Variants in PDE7B observed in about 807,000 individuals in gnomAD.
The protein encoded by PDE7B is 3',5'-cyclic-AMP phosphodiesterase 7B.
In PDE7B, 29 loss-of-function variants were observed where a neutral mutation model predicts 56.2. The ratio of observed to expected loss-of-function variants is 0.52; its 90% CI spans 0.38 to 0.70. The LOEUF (loss-of-function observed/expected upper bound fraction) is 0.70, where lower values mean the gene tolerates loss of function less well. Ranked by LOEUF, PDE7B falls within the 30% of genes least tolerant of loss-of-function variation. PDE7B has a pLI of 0.00. For synonymous variants in PDE7B, 197 were observed against 196.9 expected (o/e 1.00, Z 0.00); for missense variants, 490 against 565.0 (o/e 0.87, Z 1.35).
intron 2 of PDE7B, among the ~76,000 whole-genome samples, chr6:135,964,030 T>C (rs1774950365): frequency 6.6e-6 from 1 of 152,114 alleles, no homozygotes; most frequent in African/African-American, 2.4e-5. Flanking sequence ...ATCTAGTTCA[T>C]TGTTCTCTCA....
intron 11 of PDE7B, among the ~76,000 whole-genome samples, chr6:136,183,032 A>G (rs1779090849): frequency 6.8e-6 from 1 of 148,126 alleles, no homozygotes; most frequent in Admixed American, 6.8e-5. Flanking sequence ...AGATGGTGCC[A>G]CTACACTCCA....
chr6:136,133,148 T>C (rs1778147338), intron 3 of PDE7B, among the ~76,000 whole-genome samples: 1 of 151,786 alleles, frequency 6.6e-6, no homozygotes, highest in African/African-American at 2.4e-5. Flanking sequence ...TTCTAAAGCA[T>C]AAAGCATAAA....
At position 136,179,055 on chromosome 6, in the gene PDE7B, A is replaced by G; in HGVS notation, c.862A>G (p.Asn288Asp). 1 of 1,614,148 alleles carries G rather than the reference A, an allele frequency of 6.2e-7. No individual in the cohort carries two copies. The highest frequency in any genetic ancestry group is 1.1e-5 in the South Asian group (1 of 91,084). The change falls in exon 10 of 13, where the codon AAT (asparagine) becomes GAT (aspartate). Residue 288 changes from asparagine (N) to aspartate (D), a missense_variant. Coordinates refer to ENST00000308191, the MANE Select transcript of PDE7B (RefSeq NM_018945.4). ...CTTGGCAACAGACATCAACAGGCAG[A>G]ATGAATTTTTGACCAGATTGAAAGC... ...LILATDINRQ[N>D]EFLTRLKAHL...
intron 5 of PDE7B, among the ~76,000 whole-genome samples, chr6:136,150,282 A>G (rs1778487673): frequency 6.6e-6 from 1 of 152,264 alleles, no homozygotes; most frequent in African/African-American, 2.4e-5. Flanking sequence ...AATAAATTGT[A>G]TTTCCACCTA....
intron 2 of PDE7B, among the ~76,000 whole-genome samples, chr6:136,052,810 C>T (rs1042160316): frequency 6.6e-6 from 1 of 152,132 alleles, no homozygotes. Flanking sequence ...TGGTAAGGTG[C>T]TCTAACTAAC....
intron 3 of PDE7B, among the ~76,000 whole-genome samples, chr6:136,139,865 TA>T (rs1778287860): frequency 1.3e-5 from 2 of 152,234 alleles, no homozygotes; most frequent in Admixed American, 6.5e-5. Context: ...AGATTCTGGA[TA>T]TTAGCCCTTT....
At chr6:136,020,452 A>G (rs1776052539) in intron 2 of PDE7B, among the ~76,000 whole-genome samples, 1 of 152,210 alleles carries the variant, frequency 6.6e-6, no homozygotes, top group Admixed American at 6.5e-5. Flanking sequence ...ATACATTGAA[A>G]TATGCATGAT....
Position 136,191,624 on chromosome 6 carries a change from C to G in PDE7B, c.1137C>G (p.Ser379Arg). 1 of 1,613,888 alleles carries G rather than the reference C, an allele frequency of 6.2e-7. No individual in the cohort carries two copies. The highest frequency in any genetic ancestry group is 1.1e-5 in the South Asian group (1 of 91,022). ...SIPSIQIGFM[S>R]YIVEPLFREW... ...ACTTGCCTGTTCTAGGTTTCATGAG[C>G]TACATCGTGGAGCCGCTCTTCCGGG... The change falls in exon 13 of 13, where the codon AGC becomes AGG. Residue 379 changes from serine (S) to arginine (R), a missense_variant. Transcript: ENST00000308191.
intron 2 of PDE7B, among the ~76,000 whole-genome samples, chr6:136,063,492 A>T (rs1192013421): frequency 6.6e-6 from 1 of 152,160 alleles, no homozygotes; most frequent in Non-Finnish European, 1.5e-5. Flanking sequence ...TTGCACCTAG[A>T]CTACTGCAGT....
chr6:136,083,184 G>A (rs1462013448), intron 2 of PDE7B, among the ~76,000 whole-genome samples: 1 of 152,180 alleles, frequency 6.6e-6, no homozygotes, highest in Non-Finnish European at 1.5e-5. Flanking sequence ...ACTGAGAGAG[G>A]GTCTGTGAGA....
At chr6:136,064,181 C>A (rs933912513) in intron 2 of PDE7B, among the ~76,000 whole-genome samples, 2 of 152,090 alleles carry the variant, frequency 1.3e-5, no homozygotes, top group African/African-American at 2.4e-5. Flanking sequence ...TTTAAAATTT[C>A]TCTGAGAGTG....
intron 1 of PDE7B, among the ~76,000 whole-genome samples, chr6:135,864,141 A>G (rs1775206353): frequency 1.3e-5 from 2 of 152,206 alleles, no homozygotes; most frequent in African/African-American, 4.8e-5. Flanking sequence ...CGGTTACAGG[A>G]TGCATCTATG....
chr6:136,088,933 T>A (rs1777337556), intron 2 of PDE7B, among the ~76,000 whole-genome samples: 1 of 151,738 alleles, frequency 6.6e-6, no homozygotes, highest in African/African-American at 2.4e-5. Flanking sequence ...GAGCAATAAA[T>A]ACTCCAGAAG....
At chr6:135,924,487 T>C (rs1774146280) in intron 1 of PDE7B, among the ~76,000 whole-genome samples, 1 of 152,128 alleles carries the variant, frequency 6.6e-6, no homozygotes, top group African/African-American at 2.4e-5. Context: ...TCCGAAGTCA[T>C]ACCATCTACT....
chr6:136,113,640 G>T (rs1245674734), intron 3 of PDE7B, among the ~76,000 whole-genome samples: 1 of 152,196 alleles, frequency 6.6e-6, no homozygotes, highest in Non-Finnish European at 1.5e-5. Context: ...GAACTGGAGG[G>T]ACGGAAAAGT....
At chr6:135,860,833 C>G (rs1230898269) in intron 1 of PDE7B, among the ~76,000 whole-genome samples, 1 of 150,640 alleles carries the variant, frequency 6.6e-6, no homozygotes, top group African/African-American at 2.4e-5. Flanking sequence ...TAAGATAAAT[C>G]TTGTTTTAAA....
chr6:136,088,255 A>C (rs1486100654), intron 2 of PDE7B, among the ~76,000 whole-genome samples: 1 of 152,204 alleles, frequency 6.6e-6, no homozygotes, highest in Admixed American at 6.5e-5. Context: ...AGCAGGTTAT[A>C]ATATTACTAT....
chr6:136,016,697 G>C (rs1775983679), intron 2 of PDE7B, among the ~76,000 whole-genome samples: 1 of 152,064 alleles, frequency 6.6e-6, no homozygotes, highest in Non-Finnish European at 1.5e-5. Flanking sequence ...CTAAGTATGG[G>C]GTGGGCAGGC....
At chr6:135,857,648 G>A (rs1775061583) in intron 1 of PDE7B, among the ~76,000 whole-genome samples, 1 of 151,996 alleles carries the variant, frequency 6.6e-6, no homozygotes, top group African/African-American at 2.4e-5. Context: ...ATATAGAATT[G>A]TTTATTTTTG....
Sources: allele counts gnomAD v4.1 joint callset (sites outside exome capture counted in the v4.1 genomes callset), GRCh38; gene constraint gnomAD v4.1.1; transcripts MANE v1.5; gene names NCBI Gene and HGNC (gene_info 2026-07-23, HGNC 2026-07-21).